Variants in DHRS3 observed in about 807,000 individuals in gnomAD.
DHRS3 encodes dehydrogenase/reductase 3.
A neutral mutation model predicts 27.2 loss-of-function variants in DHRS3; 14 were observed. The observed-to-expected ratio is 0.52, with a 90% CI of 0.34 to 0.81. DHRS3 has a LOEUF of 0.81. Ranked by LOEUF, DHRS3 falls within the 30% of genes least tolerant of loss-of-function variation. DHRS3 has a pLI of 0.01. For missense variants in DHRS3, 322 were observed against 406.2 expected (o/e 0.79, Z 1.78); for synonymous variants, 165 against 175.9 (o/e 0.94, Z 0.49).
rs199969467 is a variant in DHRS3, at chr1:12,568,325, G to T, written c.*15C>A. On this transcript the variant is annotated 3_prime_UTR_variant, in exon 6 of 6. Transcript: ENST00000616661. ...CCAAACTCCGTGGCTCCTCAAGCAT[G>T]TCTTCATCCTGTCTCTATGTCCGCC... The T allele has an allele frequency of 8.7e-6, 14 of 1,612,598 alleles. No individual in the cohort carries two copies. In the East Asian group the frequency reaches 2.0e-4, roughly 23 times the overall value.
Position 12,580,649 on chromosome 1 carries a change from C to A in DHRS3, c.213G>T (p.Arg71=). ...TCGTCTCCTTCAGGCATTTCTCAGT[C>A]CGGCCCCAGAGAACAATCTGGAAGA... ...RGARKIVLWG[R]TEKCLKETTE... is the part of the protein sequence containing the mutation. Residue 71 remains arginine, a synonymous_variant, in exon 2 of 6, where the codon CGG becomes CGT. Coordinates refer to ENST00000616661, the MANE Select transcript of DHRS3 (RefSeq NM_004753.7). The A allele has an allele frequency of 6.2e-7, 1 of 1,613,624 alleles. No individual in the cohort carries two copies. The highest frequency in any genetic ancestry group is 8.5e-7 in the Non-Finnish European group (1 of 1,179,690).
chr1:12,587,174 A>G (rs1344159145), intron 1 of DHRS3, among the ~76,000 whole-genome samples: 1 of 140,736 alleles, frequency 7.1e-6, no homozygotes, highest in Non-Finnish European at 1.5e-5. Context: ...ACAGAGTCTC[A>G]CTCTGTTGCC....
chr1:12,577,248 T>C (rs1020549371), intron 4 of DHRS3, among the ~76,000 whole-genome samples: 1 of 152,184 alleles, frequency 6.6e-6, no homozygotes, highest in African/African-American at 2.4e-5. Flanking sequence ...TAACTGCACA[T>C]CATTAAAGCG....
rs1170023794 is a variant in DHRS3 at position 12,578,992 on chromosome 1, C to A, written c.460-36G>T. The A allele has an allele frequency of 2.6e-6, 4 of 1,556,526 alleles. No homozygotes were observed. The highest frequency in any genetic ancestry group is 3.5e-6 in the Non-Finnish European group (4 of 1,137,118). ...ATGGGGTGTCAGGGTGGAGCAGCTGCAGCTCTGACAACCCCTCCACCTTTC... is the reference window on the plus strand; with the variant it reads ...ATGGGGTGTCAGGGTGGAGCAGCTGAAGCTCTGACAACCCCTCCACCTTTC... On this transcript the variant is annotated intron_variant, in intron 3 of 5. Coordinates refer to ENST00000616661, the MANE Select transcript of DHRS3 (RefSeq NM_004753.7). The surrounding 1 kb of genome is among the most constrained non-coding windows in gnomAD (Gnocchi z 4.5).
intron 1 of DHRS3, among the ~76,000 whole-genome samples, chr1:12,589,151 G>A (rs1265798415): frequency 6.6e-6 from 1 of 152,168 alleles, no homozygotes; most frequent in Non-Finnish European, 1.5e-5. Flanking sequence ...GGTTAGAATG[G>A]GGTGCTAGAT....
intron 1 of DHRS3, among the ~76,000 whole-genome samples, chr1:12,616,037 A>ACCC (rs1646941997): frequency 6.6e-6 from 1 of 152,150 alleles, no homozygotes; most frequent in South Asian, 2.1e-4. Context: ...AGTCAGAGCC[A>ACCC]CCCCGGAGGA....
At chr1:12,581,384 A>G (rs1646642378) in intron 1 of DHRS3, among the ~76,000 whole-genome samples, 1 of 152,186 alleles carries the variant, frequency 6.6e-6, no homozygotes, top group South Asian at 2.1e-4. Context: ...AGGATTATTA[A>G]GACCAGCTGG....
intron 1 of DHRS3, 147 bp downstream of exon 1, chr1:12,617,007 C>T: frequency 1.9e-6 from 2 of 1,050,668 alleles, no homozygotes; most frequent in Non-Finnish European, 2.7e-6. Context: ...CAAGGTGAAA[C>T]CGACTAGCTC....
In DHRS3 at chr1:12,578,594, T is replaced by C. The variant is rs1465342205; in HGVS notation, c.698+124A>G. 6.3e-6 allele frequency: 6 copies of C among 948,006 alleles called. No homozygotes were observed. Among genetic ancestry groups the C allele is most frequent in the East Asian group, 2.5e-5 (1 of 39,984 alleles). 58.7% of individuals were successfully genotyped at this position (948,006 alleles called of 1,614,324 possible). A position where few individuals can be genotyped will look rare whatever the true frequency, so the allele number is the denominator to read the frequency against. On this transcript the variant is annotated intron_variant, in intron 4 of 5. Coordinates refer to ENST00000616661, the MANE Select transcript of DHRS3 (RefSeq NM_004753.7). The surrounding 1 kb of genome is among the most constrained non-coding windows in gnomAD (Gnocchi z 4.5). ...TTGGCTTCCCAAAATGCTAGGATTATAGGTATGAGGCACCGTGCCTAGCCC... is the reference window on the plus strand; with the variant it reads ...TTGGCTTCCCAAAATGCTAGGATTACAGGTATGAGGCACCGTGCCTAGCCC...
chr1:12,570,959 C>T (rs1377918003), intron 5 of DHRS3, among the ~76,000 whole-genome samples: 3 of 152,218 alleles, frequency 2.0e-5, no homozygotes, highest in Admixed American at 1.3e-4. Flanking sequence ...TGGGGCAGCC[C>T]CTCAGCTGGG....
At position 12,617,158 on chromosome 1, in the gene DHRS3, C is replaced by G. The variant is rs878962021; in HGVS notation, c.191G>C (p.Arg64Thr). 1 of 1,611,196 alleles carries G rather than the reference C, an allele frequency of 6.2e-7. No individual in the cohort carries two copies. The highest frequency in any genetic ancestry group is 1.3e-5 in the African/African-American group (1 of 75,016). Reference sequence around the variant, plus strand: ...TGGAGTCGCAGTGCCTGGTACCTTTCTGGCGCCGCGCTCCGCGAACTCGCG... The same window carrying G: ...TGGAGTCGCAGTGCCTGGTACCTTTGTGGCGCCGCGCTCCGCGAACTCGCG... ...LAREFAERGA[R>T]KIVLWGRTEK... is the part of the protein sequence containing the mutation. Residue 64 changes from arginine (R) to threonine (T), a missense_variant, in exon 1 of 6, where the codon AGA (arginine) becomes ACA (threonine). Physicochemically the swap from Arg to Thr is moderately conservative, Grantham distance 71. Transcript: ENST00000616661.
chr1:12,603,584 AGCT>A (rs905577885), intron 1 of DHRS3, among the ~76,000 whole-genome samples: 3 of 152,054 alleles, frequency 2.0e-5, no homozygotes, highest in African/African-American at 7.2e-5. Context: ...CTTGAACCTC[AGCT>A]GGCGCTGAGG....
intron 1 of DHRS3, among the ~76,000 whole-genome samples, chr1:12,610,728 C>T (rs866597594): frequency 2.0e-5 from 3 of 152,190 alleles, no homozygotes; most frequent in Non-Finnish European, 4.4e-5. Context: ...TTTCTCATTT[C>T]CAATGGGCTT....
rs1485751388 is a variant in DHRS3, at chr1:12,617,765, C to T, written c.-417G>A. On this transcript the variant is annotated 5_prime_UTR_variant, in exon 1 of 6. Transcript: ENST00000616661. ...CCACACGCGCGCACCCTGCCTCGGT[C>T]CCGCGGTTTCAAAGTGCAAGATTAA... 1 of 118,510 alleles carries T rather than the reference C, an allele frequency of 8.4e-6. No individual in the cohort carries two copies. Among genetic ancestry groups the T allele is most frequent in the East Asian group, 2.7e-4 (1 of 3,684 alleles). The allele number at this position is 118,510 out of a possible 1,614,324, so 7.3% of individuals were successfully genotyped here.
At chr1:12,598,665 A>G (rs975202128) in intron 1 of DHRS3, among the ~76,000 whole-genome samples, 4 of 152,202 alleles carry the variant, frequency 2.6e-5, no homozygotes, top group East Asian at 1.9e-4. Context: ...TATATGGCCT[A>G]TCTGCTGGAT....
chr1:12,585,233 GTGAGTGTGTGTCTCTGTGTCTC>G (rs1230409724), intron 1 of DHRS3, among the ~76,000 whole-genome samples: 1 of 150,642 alleles, frequency 6.6e-6, no homozygotes, highest in Admixed American at 6.6e-5. Context: ...GTGTGTCTAT[GTGAGTGTGTGTCTCTGTGTCTC>G]TGAGTGTGTG....
At chr1:12,605,013 G>A (rs1646860575) in intron 1 of DHRS3, among the ~76,000 whole-genome samples, 1 of 149,380 alleles carries the variant, frequency 6.7e-6, no homozygotes, top group Non-Finnish European at 1.5e-5. Flanking sequence ...GGAGGAGGTG[G>A]AGGTTGCAAT....
At chr1:12,603,917 G>T (rs969835471) in intron 1 of DHRS3, among the ~76,000 whole-genome samples, 4 of 152,168 alleles carry the variant, frequency 2.6e-5, no homozygotes, top group Non-Finnish European at 5.9e-5. Context: ...GGATACCAGG[G>T]CGTTCCCTGC....
At chr1:12,603,794 G>GT (rs1265273208) in intron 1 of DHRS3, among the ~76,000 whole-genome samples, 1 of 152,228 alleles carries the variant, frequency 6.6e-6, no homozygotes, top group Non-Finnish European at 1.5e-5. Context: ...GGCCAATGAG[G>GT]TAAGAAAGGC....
Sources: gnomAD v4.1 joint callset for allele counts (sites outside exome capture counted in the v4.1 genomes callset) on GRCh38, gnomAD v4.1.1 for gene constraint, Gnocchi (gnomAD v3.1) non-coding constraint, MANE v1.5 for transcripts, NCBI Gene and HGNC (gene_info 2026-07-23, HGNC 2026-07-21) for gene names.